TMPRSS13: variants seen among roughly 807,000 people sequenced by gnomAD.
TMPRSS13 encodes transmembrane serine protease 13, also known as transmembrane protease serine 13.
A neutral mutation model predicts 68.4 loss-of-function variants in TMPRSS13; 50 were observed. The observed-to-expected ratio is 0.73, with a 90% confidence interval of 0.58 to 0.93. The LOEUF is 0.93. Among genes scored for constraint, TMPRSS13 ranks in the 40% least tolerant of loss-of-function variants. The pLI is 0.00. For synonymous variants in TMPRSS13, 267 were observed against 285.8 expected, an observed-to-expected ratio of 0.93 and a Z score of 0.66; for missense variants, 615 against 729.2, an observed-to-expected ratio of 0.84 and a Z score of 1.80.
chr11:117,911,444 C>T (rs965047836), intron 6 of TMPRSS13, among the ~76,000 whole-genome samples: 1 of 152,136 alleles, frequency 6.6e-6, no homozygotes, highest in African/African-American at 2.4e-5. Context: ...AATCCAGGTC[C>T]ACTCCCTGCA....
chr11:117,919,872 C>G (rs1350179369), intron 1 of TMPRSS13, among the ~76,000 whole-genome samples: 7 of 152,258 alleles, frequency 4.6e-5, no homozygotes, highest in Non-Finnish European at 1.0e-4. Flanking sequence ...GAGCTTCCTG[C>G]ACAGTCTTCG....
chr11:117,910,791 G>A (rs1366160256), intron 6 of TMPRSS13, 41 bp from the exon 7 acceptor site: 11 of 1,576,546 alleles, frequency 7.0e-6, no homozygotes, highest in African/African-American at 2.7e-5. Context: ...GGGCACATTA[G>A]CTACCTCCTC....
intron 1 of TMPRSS13, among the ~76,000 whole-genome samples, chr11:117,920,780 G>C (rs7930766): frequency 0.99 from 150,382 of 152,306 alleles, 74,267 homozygotes; most frequent in East Asian, 1. Flanking sequence ...TGAGCCACCA[G>C]ACCACACCCA....
At chr11:117,923,411 G>A (rs372545526) in intron 1 of TMPRSS13, among the ~76,000 whole-genome samples, 1 of 144,900 alleles carries the variant, frequency 6.9e-6, no homozygotes, top group Non-Finnish European at 1.5e-5. Context: ...GACCTTCTGG[G>A]GGCCCAGCCA....
Position 117,901,574 on chromosome 11 carries a change from T to A in TMPRSS13, c.*665A>T, listed in dbSNP as rs920169884. 5.9e-5 allele frequency: 9 copies of A among 152,152 alleles called. No homozygotes were observed. The highest frequency in any genetic ancestry group is 1.9e-4 in the African/African-American group (8 of 41,412). 9.4% of individuals were successfully genotyped at this position (152,152 alleles called of 1,614,324 possible). On this transcript the variant is annotated 3_prime_UTR_variant, in exon 13 of 13. Coordinates refer to ENST00000524993, the MANE Select transcript of TMPRSS13 (RefSeq NM_001077263.3). ...AATACCCGTATTTTCATTTCTTAAA[T>A]ATAAAAATAAAATAAAATAAAACCC...
In TMPRSS13 at chr11:117,914,571, T is replaced by G. The variant is rs1004320613; in HGVS notation, c.557-57A>C. On this transcript the variant is annotated intron_variant, in intron 3 of 12. Coordinates refer to ENST00000524993, the MANE Select transcript of TMPRSS13 (RefSeq NM_001077263.3). This position sits in a 1 kb window ranked among gnomAD's most constrained non-coding sequence, Gnocchi z 4.2. ...GGCCAGCCCCACTGAGATGAGACACTGAGCAGCCCAAGGACCTGGGGGTTC... is the reference window on the plus strand; with the variant it reads ...GGCCAGCCCCACTGAGATGAGACACGGAGCAGCCCAAGGACCTGGGGGTTC... 6.2e-7 allele frequency: 1 copy of G among 1,606,678 alleles called. No individual in the cohort carries two copies. The highest frequency in any genetic ancestry group is 8.5e-7 in the Non-Finnish European group (1 of 1,178,394).
chr11:117,909,955 C>T lies in TMPRSS13; in HGVS notation c.960G>A (p.Arg320=). The T allele has an allele frequency of 6.2e-7, 1 of 1,614,062 alleles. No homozygotes were observed. Among genetic ancestry groups the T allele is most frequent in the South Asian group, 1.1e-5 (1 of 91,082 alleles). The part of the protein sequence containing the change: ...ISLQCSHCGL[R]AMTGRIVGGA... ...CTCCCACGATCCGCCCGGTCATGGC[C>T]CTCAGTCCGCAGTCTGGAGGGAAGG... Residue 320 remains arginine (R), a synonymous_variant, in exon 8 of 13, where the codon AGG becomes AGA. Coordinates refer to ENST00000524993, the MANE Select transcript of TMPRSS13 (RefSeq NM_001077263.3).
In TMPRSS13 at chr11:117,915,366, C is replaced by CT. The variant is rs2057567028; in HGVS notation, c.557-853dup. 3.3e-5 allele frequency among the ~76,000 whole-genome samples: 5 copies of CT among 152,222 alleles called. No homozygotes were observed. Among genetic ancestry groups the CT allele is most frequent in the Admixed American group, 3.3e-4 (5 of 15,278 alleles). ...TCCTCAGCCCCACCCCTTGCTTCTC[C>CT]TCCGGGGCCCACTGTGCTCTCCATC... On this transcript the variant is annotated intron_variant, in intron 3 of 12. Transcript: ENST00000524993. This position sits in a 1 kb window ranked among gnomAD's most constrained non-coding sequence, Gnocchi z 4.9.
intron 9 of TMPRSS13, among the ~76,000 whole-genome samples, chr11:117,906,719 G>A (rs185180424): frequency 2.0e-5 from 3 of 148,508 alleles, no homozygotes; most frequent in African/African-American, 7.3e-5. Flanking sequence ...TGCAGCATAG[G>A]ATTTTTTTTC....
At chr11:117,918,978 G>T in intron 1 of TMPRSS13, 140 bp from the exon 2 acceptor site, 2 of 1,228,498 alleles carry the variant, frequency 1.6e-6, no homozygotes, top group Non-Finnish European at 2.2e-6. Flanking sequence ...GGAAGCATCT[G>T]AGAGGAGGAC....
At position 117,915,861 on chromosome 11, in the gene TMPRSS13, G is replaced by A. The variant is rs2057572595; in HGVS notation, c.556+1309C>T. On this transcript the variant is annotated intron_variant, in intron 3 of 12. Transcript: ENST00000524993. The surrounding 1 kb of genome is among the most constrained non-coding windows in gnomAD (Gnocchi z 4.9). ...GGGTGCCCTGTAGTGGGAAAGGGAG[G>A]GAGGGCAGGGCAGCAAGTCACAGCA... 1.3e-5 allele frequency among the ~76,000 whole-genome samples: 2 copies of A among 152,196 alleles called. No homozygotes were observed. Among genetic ancestry groups the A allele is most frequent in the South Asian group, 2.1e-4 (1 of 4,824 alleles).
Position 117,918,451 on chromosome 11 carries a change from CAGG to C in TMPRSS13, c.406_408del (p.Pro136del). 6.2e-7 allele frequency: 1 copy of C among 1,614,162 alleles called. No individual in the cohort carries two copies. Among genetic ancestry groups the C allele is most frequent in the Non-Finnish European group, 8.5e-7 (1 of 1,180,008 alleles). On this transcript the variant is annotated inframe_deletion, in exon 2 of 13. Coordinates refer to ENST00000524993, the MANE Select transcript of TMPRSS13 (RefSeq NM_001077263.3). ...GCCCTGGTTGCTGGTGCTGACCTGG[CAGG>C]AGATGATCGGATGGGTACAGCCCCC...
chr11:117,916,992 C>G (rs909257943), intron 3 of TMPRSS13, among the ~76,000 whole-genome samples, 178 bp downstream of exon 3: 2 of 152,170 alleles, frequency 1.3e-5, no homozygotes, highest in Non-Finnish European at 2.9e-5. Flanking sequence ...CTGGATACCC[C>G]ACAGGGGCCC....
intron 5 of TMPRSS13, 120 bp from the exon 6 acceptor site, chr11:117,911,980 G>A: frequency 1.4e-6 from 1 of 730,944 alleles, no homozygotes; most frequent in East Asian, 2.7e-5. Flanking sequence ...TGGTCTGAAT[G>A]GTGGCCAACT....
In TMPRSS13 at chr11:117,911,775, G is replaced by A. The variant is rs1199487604; in HGVS notation, c.895C>T (p.Leu299Phe). Residue 299 changes from leucine (L) to phenylalanine (F), a missense_variant, in exon 6 of 13, where the codon CTC becomes TTC. Physicochemically the swap from Leu to Phe is conservative, Grantham distance 22 (BLOSUM62 0). Transcript: ENST00000524993. Reference sequence around the variant, plus strand: ...CTGCCTGCCCCACCATACCTGTGGAGGCTTTCCTGGATGGTGGAGTTGTAT... The same window carrying A: ...CTGCCTGCCCCACCATACCTGTGGAAGCTTTCCTGGATGGTGGAGTTGTAT... ...LRYNSTIQESLHRSECPSQRY... is the reference protein window; with the variant it reads ...LRYNSTIQESFHRSECPSQRY... The A allele has an allele frequency of 3.1e-6, 5 of 1,613,810 alleles. No homozygotes were observed. Among genetic ancestry groups the A allele is most frequent in the Admixed American group, 1.7e-5 (1 of 60,010 alleles).
chr11:117,919,658 G>A (rs2057623347), intron 1 of TMPRSS13, among the ~76,000 whole-genome samples: 1 of 152,268 alleles, frequency 6.6e-6, no homozygotes, highest in African/African-American at 2.4e-5. Context: ...ACTCGTGTGT[G>A]TACTGGCACT....
chr11:117,919,076 T>C (rs1377071225), intron 1 of TMPRSS13, among the ~76,000 whole-genome samples: 1 of 152,038 alleles, frequency 6.6e-6, no homozygotes, highest in Non-Finnish European at 1.5e-5. Context: ...CCTGCAGAGA[T>C]GGGTAGAGGG....
At chr11:117,911,209 C>T (rs1016384230) in intron 6 of TMPRSS13, among the ~76,000 whole-genome samples, 3 of 152,204 alleles carry the variant, frequency 2.0e-5, no homozygotes, top group African/African-American at 7.2e-5. Flanking sequence ...GGCTTCTTCT[C>T]TCCCCTCCGT....
intron 5 of TMPRSS13, among the ~76,000 whole-genome samples, chr11:117,913,299 T>A (rs974815909): frequency 6.6e-6 from 1 of 152,242 alleles, no homozygotes; most frequent in Non-Finnish European, 1.5e-5. Context: ...AAGACCCTTA[T>A]GATTCTGCCT....
Sources: allele counts gnomAD v4.1 joint callset (sites outside exome capture counted in the v4.1 genomes callset), GRCh38; gene constraint gnomAD v4.1.1; non-coding constraint Gnocchi (gnomAD v3.1); transcripts MANE v1.5; gene names NCBI Gene and HGNC (gene_info 2026-07-23, HGNC 2026-07-21).